Variants in DNAH6 observed in about 807,000 individuals in gnomAD.
DNAH6 encodes the protein axonemal beta dynein heavy chain 6.
Under a neutral mutation model 491.4 loss-of-function variants are expected in DNAH6, and 340 were observed. The observed-to-expected ratio is 0.69, with a 90% confidence interval of 0.63 to 0.76. The LOEUF (loss-of-function observed/expected upper bound fraction) is 0.76. DNAH6 is among the 30% of genes least tolerant of loss of function. The pLI is 0.00. For synonymous variants in DNAH6, 1,603 were observed against 1,686.1 expected, an observed-to-expected ratio of 0.95 and a Z score of 1.21; for missense variants, 4,443 against 4,972.2, an observed-to-expected ratio of 0.89 and a Z score of 3.20.
At chr2:84,784,969 G>A (rs553455909) in intron 66 of DNAH6, among the ~76,000 whole-genome samples, 159 bp downstream of exon 66, 1 of 152,278 alleles carries the variant, frequency 6.6e-6, no homozygotes, top group East Asian at 1.9e-4. Context: ...AACAAGCAGA[G>A]AAACGATTTC....
chr2:84,661,512 A>C (rs573976950), intron 37 of DNAH6, among the ~76,000 whole-genome samples: 68 of 152,312 alleles, frequency 4.5e-4, no homozygotes, highest in African/African-American at 1.4e-3. Context: ...GTCCACAAAG[A>C]GTTAACAAAT....
intron 29 of DNAH6, among the ~76,000 whole-genome samples, chr2:84,630,632 A>G (rs942209453): frequency 4.6e-5 from 7 of 152,254 alleles, no homozygotes; most frequent in African/African-American, 1.7e-4. Flanking sequence ...AGACACAGTA[A>G]CCAAATGCAA....
At chr2:84,594,174 C>A in intron 17 of DNAH6, 89 bp downstream of exon 17, 1 of 578,142 alleles carries the variant, frequency 1.7e-6, no homozygotes, top group Non-Finnish European at 2.7e-6. Flanking sequence ...TTTTAACAAT[C>A]TGGTGCTTTT....
chr2:84,674,498 G>A (rs917221474), intron 40 of DNAH6, among the ~76,000 whole-genome samples: 11 of 152,192 alleles, frequency 7.2e-5, no homozygotes, highest in African/African-American at 2.7e-4. Context: ...GGGTCAGGCT[G>A]TGCAGAGGTG....
intron 62 of DNAH6, among the ~76,000 whole-genome samples, chr2:84,738,368 G>A (rs1672201865): frequency 6.6e-6 from 1 of 152,032 alleles, no homozygotes; most frequent in African/African-American, 2.4e-5. Flanking sequence ...AGGTCCAAAT[G>A]GTCATGTCGA....
At chr2:84,813,262 C>G in intron 74 of DNAH6, 132 bp downstream of exon 74, 1 of 685,260 alleles carries the variant, frequency 1.5e-6, no homozygotes, top group East Asian at 2.7e-5. Context: ...GGCAATCTAA[C>G]AAGGTCGTGC....
intron 63 of DNAH6, among the ~76,000 whole-genome samples, chr2:84,758,369 A>G (rs937216231): frequency 7.9e-5 from 12 of 152,174 alleles, no homozygotes; most frequent in African/African-American, 2.9e-4. Flanking sequence ...TAAAAACTAT[A>G]AAAGAAGTTG....
chr2:84,582,401 T>C lies in DNAH6; in HGVS notation c.2230-1598T>C, dbSNP rs539475287. Among the ~76,000 whole-genome samples, 166 of 152,330 alleles carry C rather than the reference T, an allele frequency of 1.1e-3. 5 individuals are homozygous for C. Among genetic ancestry groups the C allele is most frequent in the South Asian group, 9.3e-3 (45 of 4,824 alleles). On this transcript the variant is annotated intron_variant, in intron 14 of 76. Transcript: ENST00000389394. ...TGACTACAGTGTTTTTATGACTTGC[T>C]AGACCTTCTGAATCAGACACTCTCG...
intron 56 of DNAH6, 63 bp downstream of exon 56, chr2:84,710,475 A>T: frequency 6.7e-7 from 1 of 1,495,858 alleles, no homozygotes; most frequent in Non-Finnish European, 9.1e-7. Flanking sequence ...CTGGAATCCT[A>T]TATAGGCCAC....
At chr2:84,597,313 T>C (rs1684695200) in intron 18 of DNAH6, among the ~76,000 whole-genome samples, 1 of 152,170 alleles carries the variant, frequency 6.6e-6, no homozygotes, top group African/African-American at 2.4e-5. Flanking sequence ...GGGCAAAAGA[T>C]TTGAATACAC....
intron 63 of DNAH6, among the ~76,000 whole-genome samples, chr2:84,759,262 C>T (rs373431721): frequency 1.1e-4 from 16 of 151,460 alleles, no homozygotes; most frequent in African/African-American, 3.9e-4. Flanking sequence ...AATCCTCACA[C>T]TTTGGGAGGC....
chr2:84,534,083 A>G (rs17025199), intron 4 of DNAH6, among the ~76,000 whole-genome samples: 3,582 of 152,064 alleles, frequency 0.024, 57 homozygotes, highest in Middle Eastern at 0.092. Context: ...TAAAATTTGC[A>G]ATGAGACCTT....
Position 84,694,499 on chromosome 2 carries a change from C to T in DNAH6, c.7524+19C>T. 2 of 1,525,990 alleles carry T rather than the reference C, an allele frequency of 1.3e-6. No individual in the cohort carries two copies. Among genetic ancestry groups the T allele is most frequent in the Non-Finnish European group, 1.8e-6 (2 of 1,123,788 alleles). The allele number at this position is 1,525,990 out of a possible 1,614,324, so 94.5% of individuals were successfully genotyped here. A position where few individuals can be genotyped will look rare whatever the true frequency, so the allele number is the denominator to read the frequency against. ...CACCCAGGTGTGTGTTTAAATAGCC[C>T]ATGGGTGAGAACAGGAAATGTATGG... is the stretch of plus-strand genomic sequence containing the variant. On this transcript the variant is annotated intron_variant, in intron 46 of 76. Coordinates refer to ENST00000389394, the MANE Select transcript of DNAH6 (RefSeq NM_001370.2).
At chr2:84,666,422 A>G (rs1382028732) in intron 37 of DNAH6, among the ~76,000 whole-genome samples, 4 of 152,190 alleles carry the variant, frequency 2.6e-5, no homozygotes, top group Non-Finnish European at 4.4e-5. Flanking sequence ...TACAAAATCA[A>G]TGTGCTAAAA....
At chr2:84,487,399 A>G in the DNAH6 span, among the ~76,000 whole-genome samples, 1 of 152,178 alleles carries the variant, frequency 6.6e-6, no homozygotes. Context: ...CTAGAATAAT[A>G]TGAACCCTGT....
the DNAH6 span, among the ~76,000 whole-genome samples, chr2:84,472,596 G>T: frequency 6.6e-6 from 1 of 152,204 alleles, no homozygotes; most frequent in East Asian, 1.9e-4. Context: ...TGTGGCAAAT[G>T]CAGGACTTGG....
intron 4 of DNAH6, among the ~76,000 whole-genome samples, chr2:84,533,268 T>C (rs1001498617): frequency 7.2e-5 from 11 of 152,126 alleles, no homozygotes; most frequent in African/African-American, 2.7e-4. Flanking sequence ...ACTGTGCACT[T>C]TTCCATGGTC....
In DNAH6 at chr2:84,621,231, A is replaced by C; in HGVS notation, c.3833A>C (p.Glu1278Ala). The part of the protein sequence containing the change: ...GKGLKARGNV[E>A]EWLGKVEEAM... ...GGCCTCAAGGCCCGAGGCAATGTAG[A>C]GGAATGGCTTGGTAAAGTGGAAGAA... The change falls in exon 25 of 77, where the codon GAG (glutamate) becomes GCG (alanine). Residue 1278 changes from glutamate to alanine, a missense_variant. Glu to Ala is a moderately radical substitution (Grantham distance 107, BLOSUM62 -1). Coordinates refer to ENST00000389394, the MANE Select transcript of DNAH6 (RefSeq NM_001370.2). 4 of 1,551,666 alleles carry C rather than the reference A, an allele frequency of 2.6e-6. No homozygotes were observed. The highest frequency in any genetic ancestry group is 2.4e-5 in the East Asian group (1 of 40,924).
chr2:84,773,734 G>A (rs762322740), intron 64 of DNAH6, among the ~76,000 whole-genome samples: 2 of 151,930 alleles, frequency 1.3e-5, no homozygotes, highest in African/African-American at 4.8e-5. Context: ...TTTCAATGCA[G>A]CCTCACCAGC....
Sources: allele counts gnomAD v4.1 joint callset (sites outside exome capture counted in the v4.1 genomes callset), GRCh38; gene constraint gnomAD v4.1.1; transcripts MANE v1.5; gene names NCBI Gene and HGNC (gene_info 2026-07-23, HGNC 2026-07-21).